Variants in CYP17A1 observed in about 807,000 individuals in gnomAD.
CYP17A1 encodes the protein steroid 17-alpha-hydroxylase/17,20 lyase.
Under a neutral mutation model 38.5 loss-of-function variants are expected in CYP17A1, and 27 were observed. The ratio of observed to expected loss-of-function variants is 0.70; its 90% CI spans 0.52 to 0.97. The LOEUF (loss-of-function observed/expected upper bound fraction) is 0.97, where lower values mean the gene tolerates loss of function less well. Among genes scored for constraint, CYP17A1 ranks in the 50% least tolerant of loss-of-function variants. CYP17A1 has a pLI of 0.00. For missense variants in CYP17A1, 549 were observed against 645.9 expected (o/e 0.85, Z 1.63); for synonymous variants, 263 against 253.3 (o/e 1.04, Z -0.36).
In CYP17A1 at chr10:102,835,032, A is replaced by T; in HGVS notation, c.437-18T>A. On this transcript the variant is annotated intron_variant, in intron 2 of 7. Coordinates refer to ENST00000369887, the MANE Select transcript of CYP17A1 (RefSeq NM_000102.4). ...CTGACAAACTGAAGGGAGAGGGGGCATGAGGGTGGGAAATGAATCAGCACC... is the reference window on the plus strand; with the variant it reads ...CTGACAAACTGAAGGGAGAGGGGGCTTGAGGGTGGGAAATGAATCAGCACC... The T allele has an allele frequency of 6.8e-7, 1 of 1,477,498 alleles. No homozygotes were observed. Among genetic ancestry groups the T allele is most frequent in the East Asian group, 2.3e-5 (1 of 44,298 alleles). 91.5% of individuals were successfully genotyped at this position (1,477,498 alleles called of 1,614,324 possible).
At chr10:102,833,333 G>A (rs1185520361) in intron 4 of CYP17A1, 125 bp from the exon 5 acceptor site, 2 of 1,564,108 alleles carry the variant, frequency 1.3e-6, no homozygotes, top group Non-Finnish European at 1.7e-6. Flanking sequence ...GCAAGTCTGG[G>A]CAGGACCTAC....
chr10:102,830,966 C>G lies in CYP17A1; in HGVS notation c.1263G>C (p.Ala421=). 6.3e-7 allele frequency: 1 copy of G among 1,577,178 alleles called. No homozygotes were observed. Among genetic ancestry groups the G allele is most frequent in the Non-Finnish European group, 8.6e-7 (1 of 1,159,412 alleles). ...CTGACGGTGAGATGAGCTGGGTCCC[C>G]GCTGGATTCAAGAAACGCTCTGCAG... is the stretch of plus-strand genomic sequence containing the variant. ...QFMPERFLNP[A]GTQLISPSVS... Residue 421 remains alanine (A), a synonymous_variant, in exon 8 of 8, where the codon GCG becomes GCC. Coordinates refer to ENST00000369887, the MANE Select transcript of CYP17A1 (RefSeq NM_000102.4). This position sits in a 1 kb window ranked among gnomAD's most constrained non-coding sequence, Gnocchi z 4.1.
intron 4 of CYP17A1, chr10:102,833,441 C>T: frequency 3.0e-6 from 2 of 663,958 alleles, no homozygotes; most frequent in Non-Finnish European, 4.8e-6. Context: ...ACTTTTCGAT[C>T]CCAACTCCTT....
At chr10:102,836,616 G>A (rs181639975) in intron 1 of CYP17A1, 9 of 190,454 alleles carry the variant, frequency 4.7e-5, no homozygotes, top group Admixed American at 3.7e-4. Flanking sequence ...GCAATAGCTA[G>A]GCTAATTCTC....
chr10:102,831,092 C>G, intron 7 of CYP17A1, 107 bp from the exon 8 acceptor site: 1 of 464,422 alleles, frequency 2.2e-6, no homozygotes, highest in South Asian at 1.8e-5. Context: ...GAACCCTGAT[C>G]TGAGGATGTA....
rs1416831514 is a variant in CYP17A1 at position 102,830,745 on chromosome 10, A to G, written c.1484T>C (p.Val495Ala). The stretch of plus-strand genomic sequence containing the variant: ...CTGGGCTTCCCTCCAGGCCTGGCGC[A>G]CCTTGATCTTCACTTTGAAAGAGTC... ...LIDSFKVKIK[V>A]RQAWREAQAE... The change falls in exon 8 of 8, where the codon GTG becomes GCG. Residue 495 changes from valine (V) to alanine (A), a missense_variant. This residue lies in a region of CYP17A1 where 257 missense variants were observed against 307.9 expected (regional missense o/e 0.83). Coordinates refer to ENST00000369887, the MANE Select transcript of CYP17A1 (RefSeq NM_000102.4). This position sits in a 1 kb window ranked among gnomAD's most constrained non-coding sequence, Gnocchi z 4.1. The G allele has an allele frequency of 1.2e-6, 2 of 1,603,688 alleles. No individual in the cohort carries two copies. Among genetic ancestry groups the G allele is most frequent in the Non-Finnish European group, 8.5e-7 (1 of 1,172,318 alleles).
chr10:102,832,417 G>T, intron 6 of CYP17A1, 94 bp downstream of exon 6: 1 of 845,076 alleles, frequency 1.2e-6, no homozygotes, highest in Non-Finnish European at 2.0e-6. Flanking sequence ...CTTTAGGTTG[G>T]CCAGCAGGGG....
chr10:102,834,130 A>C lies in CYP17A1; in HGVS notation c.667-8T>G. ...GGTTTTGTTGGGGAAAATCTGGGAA[A>C]TAAAAAGAAATGTTAAATCCACCCT... On this transcript the variant is annotated splice_region_variant and splice_polypyrimidine_tract_variant and intron_variant, in intron 3 of 7. Transcript: ENST00000369887. 9.1e-7 allele frequency: 1 copy of C among 1,099,904 alleles called. No individual in the cohort carries two copies. Among genetic ancestry groups the C allele is most frequent in the East Asian group, 2.3e-5 (1 of 42,694 alleles). The allele number at this position is 1,099,904 out of a possible 1,614,324, so 68.1% of individuals were successfully genotyped here.
chr10:102,836,283 A>C (rs181192737), intron 1 of CYP17A1, among the ~76,000 whole-genome samples: 141 of 151,808 alleles, frequency 9.3e-4, no homozygotes, highest in African/African-American at 2.1e-3. Flanking sequence ...ATGGTGAAAC[A>C]CCATCTCTAC....
rs763103999 is a variant in CYP17A1 at position 102,837,239 on chromosome 10, T to G, written c.123A>C (p.Pro41=). ...GCATATGGCCGTGTCTGGGGAGGAATGGCAGGCTGCCCACCAGGGGCAGGG... is the reference window on the plus strand; with the variant it reads ...GCATATGGCCGTGTCTGGGGAGGAAGGGCAGGCTGCCCACCAGGGGCAGGG... ...LLSLPLVGSL[P]FLPRHGHMHN... Residue 41 remains proline (P), a synonymous_variant, in exon 1 of 8, where the codon CCA becomes CCC. Transcript: ENST00000369887. The G allele has an allele frequency of 1.1e-5, 18 of 1,607,862 alleles. No individual in the cohort carries two copies. The highest frequency in any genetic ancestry group is 2.7e-5 in the African/African-American group (2 of 74,790).
rs1844113117 is a variant in CYP17A1, at chr10:102,833,054, C to G, written c.908G>C (p.Gly303Ala). The G allele has an allele frequency of 6.2e-7, 1 of 1,614,056 alleles. No homozygotes were observed. Among genetic ancestry groups the G allele is most frequent in the Non-Finnish European group, 8.5e-7 (1 of 1,180,032 alleles). ...LTTIGDIFGA[G>A]VETTTSVVKW... ...AACCACAGAGGTGGTGGTCTCCACG[C>G]CAGCCCCAAAGATGTCCCCTATGGT... The change falls in exon 5 of 8, where the codon GGC (glycine) becomes GCC (alanine). Residue 303 changes from glycine to alanine, a missense_variant. By Grantham distance (60) the Gly-to-Ala change is moderately conservative (BLOSUM62 0). This residue lies in a region of CYP17A1 where 257 missense variants were observed against 307.9 expected (regional missense o/e 0.83). Transcript: ENST00000369887.
chr10:102,832,223 G>A (rs918548418), intron 6 of CYP17A1, among the ~76,000 whole-genome samples: 19 of 152,186 alleles, frequency 1.2e-4, no homozygotes, highest in African/African-American at 4.3e-4. Flanking sequence ...ACAGGCACGC[G>A]CCACGATGCA....
At chr10:102,832,826 A>G in intron 5 of CYP17A1, 146 bp from the exon 6 acceptor site, 3 of 1,424,668 alleles carry the variant, frequency 2.1e-6, no homozygotes, top group Non-Finnish European at 2.9e-6. Flanking sequence ...CGGCTTCCAG[A>G]AGATGGGGCA....
chr10:102,836,479 A>T (rs1027859406), intron 1 of CYP17A1, among the ~76,000 whole-genome samples: 1 of 140,386 alleles, frequency 7.1e-6, no homozygotes, highest in East Asian at 2.0e-4. Flanking sequence ...AAAAAAAAAA[A>T]TGCTGAGAGG....
chr10:102,834,668 AG>A (rs1285405081), intron 3 of CYP17A1, 116 bp downstream of exon 3: 5 of 1,425,756 alleles, frequency 3.5e-6, no homozygotes, highest in African/African-American at 1.4e-5. Context: ...GAGGTGGCGG[AG>A]GTAATCAGGA....
rs1464809969 is a variant in CYP17A1 at position 102,837,293 on chromosome 10, A to G, written c.69T>C (p.Pro23=). 3 of 1,609,186 alleles carry G rather than the reference A, an allele frequency of 1.9e-6. No individual in the cohort carries two copies. Among genetic ancestry groups the G allele is most frequent in the Non-Finnish European group, 8.5e-7 (1 of 1,175,566 alleles). Residue 23 remains proline, a synonymous_variant, in exon 1 of 8, where the codon CCT becomes CCC. Coordinates refer to ENST00000369887, the MANE Select transcript of CYP17A1 (RefSeq NM_000102.4). ...GGAGGCTCTTGGGGTACTTGGCACC[A>G]GGGCACCTTCTCTTGGGCCAAAACA... The part of the protein sequence containing the change: ...AYLFWPKRRC[P]GAKYPKSLLS...
At chr10:102,834,734 G>T (rs778700597) in intron 3 of CYP17A1, 51 bp downstream of exon 3, 12 of 1,613,574 alleles carry the variant, frequency 7.4e-6, no homozygotes, top group South Asian at 1.1e-5. Flanking sequence ...GAAGATTGGG[G>T]ACAATGTCAG....
chr10:102,831,398 A>G, intron 7 of CYP17A1, 110 bp downstream of exon 7: 1 of 1,530,106 alleles, frequency 6.5e-7, no homozygotes, highest in East Asian at 2.4e-5. Context: ...GTATAGTTGG[A>G]GCCAAGAGTT....
At chr10:102,836,071 G>C (rs284847) in intron 1 of CYP17A1, among the ~76,000 whole-genome samples, 1 of 152,100 alleles carries the variant, frequency 6.6e-6, no homozygotes, top group South Asian at 2.1e-4. Context: ...CTCTGCCCCC[G>C]GGAGGAAGCC....
Sources: gnomAD v4.1 joint callset for allele counts (sites outside exome capture counted in the v4.1 genomes callset) on GRCh38, gnomAD v4.1.1 for gene constraint, gnomAD v4.1.1 regional missense constraint, Gnocchi (gnomAD v3.1) non-coding constraint, MANE v1.5 for transcripts, NCBI Gene and HGNC (gene_info 2026-07-23, HGNC 2026-07-21) for gene names.